PID1: variants seen among roughly 807,000 people sequenced by gnomAD.
The protein encoded by PID1 is phosphotyrosine interaction domain containing 1.
Under a neutral mutation model 19.1 loss-of-function variants are expected in PID1, and 10 were observed. That is an observed-to-expected ratio of 0.52 (90% CI 0.32 to 0.89). PID1 has a LOEUF of 0.89. Ranked by LOEUF, PID1 falls within the 40% of genes least tolerant of loss-of-function variation. PID1 has a pLI of 0.03. For missense variants in PID1, 248 were observed against 285.3 expected, an observed-to-expected ratio of 0.87 and a Z score of 0.94; for synonymous variants, 130 against 116.0, an observed-to-expected ratio of 1.12 and a Z score of -0.78.
At chr2:229,072,002 T>A (rs1694464325) in intron 2 of PID1, among the ~76,000 whole-genome samples, 1 of 152,202 alleles carries the variant, frequency 6.6e-6, no homozygotes, top group African/African-American at 2.4e-5. Context: ...TGGCCCTGTG[T>A]CATTCTATAG....
Position 229,025,510 on chromosome 2 carries a change from A to G in PID1, c.*122T>C, listed in dbSNP as rs1040318797. The G allele has an allele frequency of 6.9e-6, 5 of 727,862 alleles. No individual in the cohort carries two copies. In the Admixed American group the frequency reaches 7.0e-5, roughly 10 times the overall value. 45.1% of individuals were successfully genotyped at this position (727,862 alleles called of 1,614,324 possible). On this transcript the variant is annotated 3_prime_UTR_variant, in exon 3 of 3. Transcript: ENST00000392055. ...GATTTAGAATTGCTCTTCTGAATTTAAAAACCTTGGTCAGCCAATAGTTTG... is the reference window on the plus strand; with the variant it reads ...GATTTAGAATTGCTCTTCTGAATTTGAAAACCTTGGTCAGCCAATAGTTTG...
chr2:229,050,002 G>A (rs958361475), intron 2 of PID1, among the ~76,000 whole-genome samples: 3 of 151,920 alleles, frequency 2.0e-5, no homozygotes, highest in African/African-American at 7.3e-5. Context: ...ATTAACCTCA[G>A]GCAGTCAAAA....
intron 1 of PID1, among the ~76,000 whole-genome samples, chr2:229,161,783 G>C (rs1432270621): frequency 6.6e-6 from 1 of 152,184 alleles, no homozygotes; most frequent in African/African-American, 2.4e-5. Context: ...ATCCCACTTA[G>C]GTGGCACATG....
chr2:229,160,466 TTG>T (rs1407547540), intron 1 of PID1, among the ~76,000 whole-genome samples: 1 of 152,242 alleles, frequency 6.6e-6, no homozygotes, highest in Non-Finnish European at 1.5e-5. Context: ...TCTTCTGAGC[TTG>T]TCTTCTCCAG....
At chr2:229,106,964 T>A (rs1695189747) in intron 2 of PID1, among the ~76,000 whole-genome samples, 2 of 152,190 alleles carry the variant, frequency 1.3e-5, no homozygotes, top group African/African-American at 2.4e-5. Flanking sequence ...GATCTACAGA[T>A]AAGGTCATCC....
At chr2:229,111,108 T>C (rs1048361699) in intron 2 of PID1, among the ~76,000 whole-genome samples, 1 of 152,188 alleles carries the variant, frequency 6.6e-6, no homozygotes, top group African/African-American at 2.4e-5. Flanking sequence ...AAGACTTGCC[T>C]TTTGCCTTCC....
intron 1 of PID1, among the ~76,000 whole-genome samples, chr2:229,159,448 C>A (rs1057232369): frequency 6.6e-6 from 1 of 152,126 alleles, no homozygotes. Context: ...TTGATTCAGT[C>A]GGTTCAAAGA....
At position 229,134,231 on chromosome 2, in the gene PID1, GTTTTTTT is replaced by G. The variant is rs60513006; in HGVS notation, c.177+21580_177+21586del. Among the ~76,000 whole-genome samples, 327 of 109,194 alleles carry G rather than the reference GTTTTTTT, an allele frequency of 3.0e-3. 5 individuals are homozygous for G. The highest frequency in any genetic ancestry group is 0.018 in the Admixed American group (190 of 10,838). The allele number at this position is 109,194 out of a possible 152,430, so 71.6% of individuals were successfully genotyped here. A position where few individuals can be genotyped will look rare whatever the true frequency, so the allele number is the denominator to read the frequency against. On this transcript the variant is annotated intron_variant, in intron 2 of 2. Transcript: ENST00000392055. ...TTCAATAACAATGTTTACTACCTGT[GTTTTTTT>G]TTTTTTTTTTTTTTGAGACAGAGTC...
chr2:229,182,264 G>A (rs534071231), intron 1 of PID1, among the ~76,000 whole-genome samples: 1 of 124,304 alleles, frequency 8.0e-6, no homozygotes, highest in East Asian at 2.6e-4. Context: ...TGCCCCTCTG[G>A]TCCTCTGGTG....
chr2:229,148,531 C>T (rs1690182710), intron 2 of PID1, among the ~76,000 whole-genome samples: 1 of 152,124 alleles, frequency 6.6e-6, no homozygotes, highest in African/African-American at 2.4e-5. Context: ...GGAGATTCCT[C>T]CGGTTTTCAA....
At chr2:229,143,660 G>A (rs979422022) in intron 2 of PID1, among the ~76,000 whole-genome samples, 1 of 152,104 alleles carries the variant, frequency 6.6e-6, no homozygotes, top group Admixed American at 6.6e-5. Context: ...ATCTTGAATT[G>A]TAATCACCAT....
At chr2:229,220,909 A>C (rs966212353) in intron 1 of PID1, among the ~76,000 whole-genome samples, 44 of 152,288 alleles carry the variant, frequency 2.9e-4, no homozygotes, top group African/African-American at 8.9e-4. Flanking sequence ...TTTTAGTGAA[A>C]AAAAAAATTT....
At chr2:229,250,611 C>T (rs1690125235) in intron 1 of PID1, among the ~76,000 whole-genome samples, 2 of 152,188 alleles carry the variant, frequency 1.3e-5, no homozygotes, top group Non-Finnish European at 2.9e-5. Context: ...TTCTCGTTTT[C>T]CTTATTGACA....
chr2:229,107,209 C>G (rs1200381778), intron 2 of PID1, among the ~76,000 whole-genome samples: 2 of 152,118 alleles, frequency 1.3e-5, no homozygotes, highest in Non-Finnish European at 2.9e-5. Context: ...CTGCTGTCAC[C>G]TTGATTTCAG....
chr2:229,104,550 G>A (rs544623212), intron 2 of PID1, among the ~76,000 whole-genome samples: 16 of 152,182 alleles, frequency 1.1e-4, no homozygotes, highest in South Asian at 2.1e-4. Flanking sequence ...ATCTTTTGCC[G>A]TCTCTTCTGT....
chr2:229,153,097 C>G (rs1281714387), intron 2 of PID1, among the ~76,000 whole-genome samples: 1 of 152,018 alleles, frequency 6.6e-6, no homozygotes, highest in Non-Finnish European at 1.5e-5. Context: ...TGAAGATGAT[C>G]AGAAAAAATT....
chr2:229,221,084 C>T (rs1691960276), intron 1 of PID1, among the ~76,000 whole-genome samples: 1 of 152,148 alleles, frequency 6.6e-6, no homozygotes, highest in South Asian at 2.1e-4. Context: ...CATCTGGTAT[C>T]CCCATCCAGC....
rs116438466 is a variant in PID1, at chr2:229,234,324, A to C, written c.30+36690T>G. Among the ~76,000 whole-genome samples, 493 of 151,400 alleles carry C rather than the reference A, an allele frequency of 3.3e-3. 3 individuals are homozygous for C. Among genetic ancestry groups the C allele is most frequent in the African/African-American group, 0.012 (477 of 41,450 alleles). ...TATAGTGGGTTAGCCAGGTGGGTCCAGTGTAATTCAAGGGTCTTTTAAATG... is the reference window on the plus strand; with the variant it reads ...TATAGTGGGTTAGCCAGGTGGGTCCCGTGTAATTCAAGGGTCTTTTAAATG... On this transcript the variant is annotated intron_variant, in intron 1 of 2. Transcript: ENST00000392055.
chr2:229,130,457 T>A (rs538314926), intron 2 of PID1, among the ~76,000 whole-genome samples: 3 of 152,330 alleles, frequency 2.0e-5, no homozygotes, highest in African/African-American at 7.2e-5. Context: ...TTAAATAAAT[T>A]ATTTTTTAAA....
Sources: gnomAD v4.1 joint callset for allele counts (sites outside exome capture counted in the v4.1 genomes callset) on GRCh38, gnomAD v4.1.1 for gene constraint, MANE v1.5 for transcripts, NCBI Gene and HGNC (gene_info 2026-07-23, HGNC 2026-07-21) for gene names.